RDH13: variants seen among roughly 807,000 people sequenced by gnomAD.
The protein encoded by RDH13 is retinol dehydrogenase 13 (all-trans and 9-cis).
In RDH13, 35 loss-of-function variants were observed where a neutral mutation model predicts 28.3. The ratio of observed to expected loss-of-function variants is 1.24; its 90% CI spans 0.95 to 1.64. The LOEUF (loss-of-function observed/expected upper bound fraction) is 1.64, where lower values mean the gene tolerates loss of function less well. RDH13 is among the 40% of genes most tolerant of loss of function. RDH13 has a pLI of 0.00. For synonymous variants in RDH13, 229 were observed against 198.5 expected (o/e 1.15, Z -1.29); for missense variants, 514 against 446.3 (o/e 1.15, Z -1.37).
intron 3 of RDH13, chr19:55,050,745 A>G (rs1490191232): frequency 2.0e-5 from 3 of 152,086 alleles, no homozygotes; most frequent in African/African-American, 7.2e-5. Flanking sequence ...CAGGATCCCA[A>G]CCTATCCTTG....
At chr19:55,062,865 G>T (rs1035246060) in intron 1 of RDH13, 103 bp downstream of exon 1, 4 of 1,050,280 alleles carry the variant, frequency 3.8e-6, no homozygotes, top group Non-Finnish European at 5.1e-6. Flanking sequence ...CGGGAGCTAC[G>T]GGGCCTGGAC....
upstream of RDH13, chr19:55,063,554 C>A: frequency 6.5e-6 from 1 of 154,484 alleles, no homozygotes; most frequent in South Asian, 1.8e-4. Context: ...CTGTGGGTAC[C>A]CAAGCTCCTG....
At chr19:55,053,082 C>T (rs1279002145) in intron 3 of RDH13, among the ~76,000 whole-genome samples, 1 of 152,110 alleles carries the variant, frequency 6.6e-6, no homozygotes, top group Non-Finnish European at 1.5e-5. Context: ...TGTGTTCTTT[C>T]TAGTCGGGAG....
upstream of RDH13, chr19:55,064,310 A>T (rs760611474): frequency 6.6e-6 from 1 of 151,918 alleles, no homozygotes; most frequent in Non-Finnish European, 1.5e-5. Flanking sequence ...AGTCCCAGCT[A>T]CTCAGGAGGC....
At chr19:55,049,337 A>G (rs1419549078) in intron 3 of RDH13, among the ~76,000 whole-genome samples, 1 of 152,090 alleles carries the variant, frequency 6.6e-6, no homozygotes, top group Non-Finnish European at 1.5e-5. Flanking sequence ...TTCATTCCCA[A>G]ACCTGCCACC....
rs765295890 is a variant in RDH13, at chr19:55,045,202, C to T, written c.868G>A (p.Gly290Arg). 11 of 1,613,500 alleles carry T rather than the reference C, an allele frequency of 6.8e-6. No individual in the cohort carries two copies. The highest frequency in any genetic ancestry group is 2.7e-5 in the African/African-American group (2 of 74,932). Residue 290 changes from glycine to arginine, a missense_variant, in exon 7 of 7, where the codon GGA (glycine) becomes AGA (arginine). By Grantham distance (125) the Gly-to-Arg change is moderately radical. Transcript: ENST00000415061. ...LADVSGKYFD[G>R]LKQKAPAPEA... ...GGGGCCGGGGCCTTCTGTTTGAGTC[C>T]ATCGAAGTACTTTCCGGAAACATCC...
intron 3 of RDH13, among the ~76,000 whole-genome samples, chr19:55,054,598 T>G (rs1413749268): frequency 6.6e-6 from 1 of 152,028 alleles, no homozygotes; most frequent in East Asian, 1.9e-4. Context: ...AAAAAAGGTC[T>G]TGCTCTGTCA....
At chr19:55,062,663 G>C (rs1866113768) in intron 1 of RDH13, among the ~76,000 whole-genome samples, 1 of 152,256 alleles carries the variant, frequency 6.6e-6, no homozygotes, top group Admixed American at 6.5e-5. Context: ...CTGGGCGACA[G>C]AGCCAGATTC....
rs538506583 is a variant in RDH13 at position 55,062,624 on chromosome 19, G to A, written c.65+344C>T. Among the ~76,000 whole-genome samples, 62 of 152,344 alleles carry A rather than the reference G, an allele frequency of 4.1e-4. No individual in the cohort carries two copies. In the East Asian group the frequency reaches 6.9e-3, roughly 17 times the overall value. ...GAGCCCAGGAGGTCAAGGCTGCAGT[G>A]AGCCAAGATCGCGCCACTGCACTCC... On this transcript the variant is annotated intron_variant, in intron 1 of 6. Coordinates refer to ENST00000415061, the MANE Select transcript of RDH13 (RefSeq NM_001145971.2).
intron 1 of RDH13, among the ~76,000 whole-genome samples, chr19:55,059,654 C>A: frequency 6.6e-6 from 1 of 152,050 alleles, no homozygotes; most frequent in Non-Finnish European, 1.5e-5. Context: ...ATGGCGAGAC[C>A]CCGTCTCTAC....
chr19:55,041,985 G>A (rs2075043705), downstream of RDH13: 1 of 152,072 alleles, frequency 6.6e-6, no homozygotes, highest in African/African-American at 2.4e-5. Context: ...CTGCACAACA[G>A]GAAAAGCCCA....
At chr19:55,039,958 C>T (rs541082931), downstream of RDH13, among the ~76,000 whole-genome samples, 2 of 152,208 alleles carry the variant, frequency 1.3e-5, no homozygotes, top group South Asian at 2.1e-4. Context: ...TGCATTGTGC[C>T]GCTTATCTGA....
chr19:55,054,927 C>T (rs540268851), intron 3 of RDH13, among the ~76,000 whole-genome samples: 3 of 152,182 alleles, frequency 2.0e-5, no homozygotes, highest in Admixed American at 6.6e-5. Flanking sequence ...ATACAATGTA[C>T]ATCATGCTGT....
upstream of RDH13, among the ~76,000 whole-genome samples, chr19:55,066,381 TC>T (rs1047169054): frequency 1.3e-5 from 2 of 152,038 alleles, no homozygotes; most frequent in Non-Finnish European, 2.9e-5. Context: ...CCTTTCTCGT[TC>T]TTCTCTATCT....
chr19:55,048,445 T>C lies in RDH13; in HGVS notation c.542A>G (p.His181Arg), dbSNP rs763917046. The change falls in exon 5 of 7, where the codon CAC becomes CGC. Residue 181 changes from histidine (H) to arginine (R), a missense_variant. Physicochemically the swap from His to Arg is conservative, Grantham distance 29 (BLOSUM62 0). Transcript: ENST00000415061. Reference sequence around the variant, plus strand: ...CCAGTTCAAGTCGTCAAAGTCTATGTGCCCAGCAACATGGGCCAGGGACGA... The same window carrying C: ...CCAGTTCAAGTCGTCAAAGTCTATGCGCCCAGCAACATGGGCCAGGGACGA... The part of the protein sequence containing the change: ...NLSSLAHVAG[H>R]IDFDDLNWQT... 6.2e-7 allele frequency: 1 copy of C among 1,614,224 alleles called. No individual in the cohort carries two copies. Among genetic ancestry groups the C allele is most frequent in the Non-Finnish European group, 8.5e-7 (1 of 1,180,048 alleles).
chr19:55,060,265 G>C (rs971271039), intron 1 of RDH13, among the ~76,000 whole-genome samples: 1 of 152,002 alleles, frequency 6.6e-6, no homozygotes, highest in Non-Finnish European at 1.5e-5. Flanking sequence ...TTCTGAGACA[G>C]GAGAAAAGCC....
chr19:55,041,341 T>C (rs1182089146), downstream of RDH13: 1 of 152,300 alleles, frequency 6.6e-6, no homozygotes, highest in Admixed American at 6.5e-5. Context: ...AATCACCCGA[T>C]GGCAGAAATT....
At chr19:55,061,553 G>A (rs1450026236) in intron 1 of RDH13, among the ~76,000 whole-genome samples, 2 of 151,882 alleles carry the variant, frequency 1.3e-5, no homozygotes, top group South Asian at 2.1e-4. Flanking sequence ...CACTTTGGGA[G>A]GCCAAGACAG....
rs1453107295 is a variant in RDH13, at chr19:55,048,542, C to G, written c.446-1G>C. The G allele has an allele frequency of 6.2e-7, 1 of 1,614,114 alleles. No homozygotes were observed. The highest frequency in any genetic ancestry group is 1.1e-5 in the South Asian group (1 of 91,084). ...AGCAAGTTTGTCAAGAGAAAGTGAC[C>G]TGGATTAAGGATGATGAAAAGGTCA... On this transcript the variant is annotated splice_acceptor_variant, in intron 4 of 6. Transcript: ENST00000415061. LOFTEE classifies it high-confidence loss of function.
Sources: allele counts gnomAD v4.1 joint callset (sites outside exome capture counted in the v4.1 genomes callset), GRCh38; gene constraint gnomAD v4.1.1; transcripts MANE v1.5; gene names NCBI Gene and HGNC (gene_info 2026-07-23, HGNC 2026-07-21).